The following C11orf58 variants were observed in gnomAD, a reference collection of about 807,000 sequenced individuals.
C11orf58 encodes the protein chromosome 11 open reading frame 58, also known as small acidic protein.
In C11orf58, 5 loss-of-function variants were observed where a neutral mutation model predicts 22.7. That is an observed-to-expected ratio of 0.22 (90% CI 0.12 to 0.46). The LOEUF is 0.46. C11orf58 is among the 20% of genes least tolerant of loss of function. The probability of loss-of-function intolerance (pLI) is 0.99; values close to 1 mark genes in which losing one functional copy is unlikely to be tolerated. For synonymous variants in C11orf58, 71 were observed against 70.7 expected, an observed-to-expected ratio of 1.00 and a Z score of -0.02; for missense variants, 151 against 223.3, an observed-to-expected ratio of 0.68 and a Z score of 2.06.
At chr11:16,741,963 T>G (rs1412542121) in intron 1 of C11orf58, among the ~76,000 whole-genome samples, 1 of 152,240 alleles carries the variant, frequency 6.6e-6, no homozygotes, top group African/African-American at 2.4e-5. Flanking sequence ...TGAATCATCC[T>G]GAAACCATCA....
chr11:16,750,014 C>G (rs1413379904), intron 3 of C11orf58: 1 of 152,182 alleles, frequency 6.6e-6, no homozygotes, highest in African/African-American at 2.4e-5. Context: ...CACAAGCTAA[C>G]CCTAGCCAAA....
intron 4 of C11orf58, among the ~76,000 whole-genome samples, chr11:16,754,388 T>G (rs972318309): frequency 1.3e-5 from 2 of 151,682 alleles, no homozygotes; most frequent in Non-Finnish European, 1.5e-5. Flanking sequence ...TGGAATGTAG[T>G]GGCATGATCA....
At chr11:16,744,834 C>T (rs1848475716) in intron 2 of C11orf58, 150 bp downstream of exon 2, 1 of 661,022 alleles carries the variant, frequency 1.5e-6, no homozygotes, top group Non-Finnish European at 2.5e-6. Context: ...GTGGCCTAAC[C>T]AAGCACATAA....
intron 4 of C11orf58, among the ~76,000 whole-genome samples, chr11:16,754,385 T>G (rs1357037442): frequency 6.6e-6 from 1 of 151,594 alleles, no homozygotes; most frequent in Non-Finnish European, 1.5e-5. Flanking sequence ...GGCTGGAATG[T>G]AGTGGCATGA....
At chr11:16,740,341 C>T (rs1243123168) in intron 1 of C11orf58, among the ~76,000 whole-genome samples, 5 of 152,202 alleles carry the variant, frequency 3.3e-5, no homozygotes, top group African/African-American at 1.2e-4. Context: ...TCGGTTTAAA[C>T]TAGACGACCT....
intron 1 of C11orf58, among the ~76,000 whole-genome samples, chr11:16,740,605 A>C (rs1169895052): frequency 1.3e-5 from 2 of 152,022 alleles, no homozygotes; most frequent in African/African-American, 4.8e-5. Flanking sequence ...TATTTTTAGT[A>C]GAGACCAGAT....
chr11:16,738,800 C>T lies in C11orf58; in HGVS notation c.22C>T (p.His8Tyr). 1 of 1,613,962 alleles carries T rather than the reference C, an allele frequency of 6.2e-7. No homozygotes were observed. Among genetic ancestry groups the T allele is most frequent in the South Asian group, 1.1e-5 (1 of 91,070 alleles). MSAARES[H>Y]PHGVKRSASP... The stretch of plus-strand genomic sequence containing the variant: ...AAGGATGAGTGCTGCCAGAGAGTCT[C>T]ACCCGCATGGGGTGAAGCGTTCAGC... The change falls in exon 1 of 5, where the codon CAC becomes TAC. Residue 8 changes from histidine (H) to tyrosine (Y), a missense_variant. Physicochemically the swap from His to Tyr is moderately conservative, Grantham distance 83. Transcript: ENST00000228136.
chr11:16,754,529 TTCTC>T (rs1279102286), intron 4 of C11orf58, among the ~76,000 whole-genome samples: 15 of 142,962 alleles, frequency 1.0e-4, no homozygotes, highest in Non-Finnish European at 1.8e-4. Flanking sequence ...TTTTTTTAGT[TTCTC>T]TCTCTCTCTC....
chr11:16,749,624 T>C (rs562927112), intron 3 of C11orf58: 2 of 152,302 alleles, frequency 1.3e-5, no homozygotes, highest in South Asian at 4.1e-4. Flanking sequence ...TATCAGATCA[T>C]TGGCAGCATT....
intron 1 of C11orf58, among the ~76,000 whole-genome samples, chr11:16,742,298 A>G (rs1848454409): frequency 6.6e-6 from 1 of 152,220 alleles, no homozygotes; most frequent in Non-Finnish European, 1.5e-5. Flanking sequence ...GGATGGTCAG[A>G]GGATCAAAGG....
At chr11:16,749,354 A>C (rs1848513207) in intron 3 of C11orf58, 1 of 152,252 alleles carries the variant, frequency 6.6e-6, no homozygotes, top group African/African-American at 2.4e-5. Flanking sequence ...TTAAACAATT[A>C]CTTCAAATTG....
chr11:16,754,129 A>G (rs1848555293), intron 4 of C11orf58: 1 of 399,224 alleles, frequency 2.5e-6, no homozygotes, highest in Non-Finnish European at 4.4e-6. Context: ...CTCTTTTTAT[A>G]TTATGAATTT....
At chr11:16,754,381 A>T (rs1318029009) in intron 4 of C11orf58, among the ~76,000 whole-genome samples, 3 of 151,654 alleles carry the variant, frequency 2.0e-5, no homozygotes, top group Non-Finnish European at 4.4e-5. Flanking sequence ...CACAGGCTGG[A>T]ATGTAGTGGC....
At position 16,738,694 on chromosome 11, in the gene C11orf58, C is replaced by A. The variant is rs533263728; in HGVS notation, c.-85C>A. On this transcript the variant is annotated 5_prime_UTR_variant, in exon 1 of 5. Transcript: ENST00000228136. ...GCGTTCTGTAGTGGCGCTGCTTGGG[C>A]CCTTGGCGGATTGTAAGCTGCTGGT... 6.9e-7 allele frequency: 1 copy of A among 1,449,996 alleles called. No homozygotes were observed. Among genetic ancestry groups the A allele is most frequent in the Non-Finnish European group, 9.7e-7 (1 of 1,033,312 alleles). 89.8% of individuals were successfully genotyped at this position (1,449,996 alleles called of 1,614,324 possible).
chr11:16,748,842 T>C (rs1344849423), intron 3 of C11orf58, among the ~76,000 whole-genome samples: 1 of 152,194 alleles, frequency 6.6e-6, no homozygotes, highest in African/African-American at 2.4e-5. Flanking sequence ...AGAGAGTATA[T>C]GTCATTATGA....
rs1848568383 is a variant in C11orf58, at chr11:16,755,348, T to C, written c.*244T>C. 6.5e-6 allele frequency: 2 copies of C among 308,206 alleles called. No homozygotes were observed. The highest frequency in any genetic ancestry group is 9.2e-5 in the Admixed American group (2 of 21,642). The allele number at this position is 308,206 out of a possible 1,614,324, so 19.1% of individuals were successfully genotyped here. A position where few individuals can be genotyped will look rare whatever the true frequency, so the allele number is the denominator to read the frequency against. Reference sequence around the variant, plus strand: ...AAATACAGTACTCAACTTCCTTTCATATTAGCATCATCAACCCTCTAATTC... The same window carrying C: ...AAATACAGTACTCAACTTCCTTTCACATTAGCATCATCAACCCTCTAATTC... On this transcript the variant is annotated 3_prime_UTR_variant, in exon 5 of 5. Transcript: ENST00000228136.
chr11:16,747,805 T>C (rs371376797), intron 2 of C11orf58: 1 of 190,126 alleles, frequency 5.3e-6, no homozygotes, highest in African/African-American at 2.3e-5. Context: ...TTTCTAGTTA[T>C]CTATTCATCT....
intron 1 of C11orf58, among the ~76,000 whole-genome samples, chr11:16,741,324 A>T (rs1848446703): frequency 6.6e-6 from 1 of 152,206 alleles, no homozygotes; most frequent in African/African-American, 2.4e-5. Context: ...CAGGTTATGT[A>T]TTGAGGAGGT....
chr11:16,749,409 A>G (rs1848513610), intron 3 of C11orf58: 1 of 152,238 alleles, frequency 6.6e-6, no homozygotes, highest in African/African-American at 2.4e-5. Context: ...TGAACTTTGC[A>G]GAATGGAAAA....
Sources: gnomAD v4.1 joint callset for allele counts (sites outside exome capture counted in the v4.1 genomes callset) on GRCh38, gnomAD v4.1.1 for gene constraint, MANE v1.5 for transcripts, NCBI Gene and HGNC (gene_info 2026-07-23, HGNC 2026-07-21) for gene names.